Variants in KAT2B observed in about 807,000 individuals in gnomAD.
KAT2B encodes the protein histone acetyltransferase KAT2B.
KAT2B carries 36 observed loss-of-function variants against 105.9 expected under a neutral mutation model. That is an observed-to-expected ratio of 0.34 (90% CI 0.26 to 0.45). The LOEUF (loss-of-function observed/expected upper bound fraction) is 0.45. Among genes scored for constraint, KAT2B ranks in the 20% least tolerant of loss-of-function variants. KAT2B has a pLI of 1.00. For synonymous variants in KAT2B, 397 were observed against 377.9 expected, an observed-to-expected ratio of 1.05 and a Z score of -0.59; for missense variants, 820 against 1,021.6, an observed-to-expected ratio of 0.80 and a Z score of 2.69.
At chr3:20,107,996 G>A (rs1227055769) in intron 5 of KAT2B, among the ~76,000 whole-genome samples, 1 of 151,708 alleles carries the variant, frequency 6.6e-6, no homozygotes, top group African/African-American at 2.4e-5. Context: ...TTTTAGTAGA[G>A]ATGGGGTTTC....
At chr3:20,084,190 A>T (rs1698573433) in intron 2 of KAT2B, among the ~76,000 whole-genome samples, 1 of 152,112 alleles carries the variant, frequency 6.6e-6, no homozygotes, top group Non-Finnish European at 1.5e-5. Flanking sequence ...TGGCTTTCTT[A>T]TTACAGGGAA....
At chr3:20,114,753 G>A (rs1024892276) in intron 6 of KAT2B, 129 bp from the exon 7 acceptor site, 3 of 596,348 alleles carry the variant, frequency 5.0e-6, no homozygotes, top group East Asian at 5.5e-5. Flanking sequence ...AATTTGAGTT[G>A]TAATTCTCCA....
chr3:20,091,743 C>G (rs1447230955), intron 2 of KAT2B, among the ~76,000 whole-genome samples: 1 of 152,126 alleles, frequency 6.6e-6, no homozygotes, highest in Non-Finnish European at 1.5e-5. Context: ...AAGTTCTTCT[C>G]TGACCCATTG....
rs9851303 is a variant in KAT2B, at chr3:20,132,863, A to T, written c.1750-4079A>T. Among the ~76,000 whole-genome samples the T allele has an allele frequency of 1.2e-3, 182 of 152,352 alleles. 1 individual carries two copies. Among genetic ancestry groups the T allele is most frequent in the African/African-American group, 3.6e-3 (148 of 41,592 alleles). ...TGAAGGGTACAAATTTATAGTTTCT[A>T]TTAACTCCTTACAAGATGGTGCATA... is the stretch of plus-strand genomic sequence containing the variant. On this transcript the variant is annotated intron_variant, in intron 11 of 17. Transcript: ENST00000263754.
intron 12 of KAT2B, among the ~76,000 whole-genome samples, chr3:20,138,214 A>G (rs754552709): frequency 2.0e-5 from 3 of 151,932 alleles, no homozygotes; most frequent in Non-Finnish European, 2.9e-5. Flanking sequence ...TTATTTTAAA[A>G]TTTTTTCTGT....
At chr3:20,079,445 C>T (rs2125186146) in intron 2 of KAT2B, among the ~76,000 whole-genome samples, 1 of 152,202 alleles carries the variant, frequency 6.6e-6, no homozygotes, top group Admixed American at 6.5e-5. Flanking sequence ...CTCAGGTAAT[C>T]TGCCCGCTTC....
At chr3:20,075,722 C>G (rs1331188485) in intron 2 of KAT2B, among the ~76,000 whole-genome samples, 1 of 152,032 alleles carries the variant, frequency 6.6e-6, no homozygotes, top group Non-Finnish European at 1.5e-5. Flanking sequence ...GTGAAGCTTC[C>G]TTGCCCTCTC....
intron 2 of KAT2B, among the ~76,000 whole-genome samples, chr3:20,087,398 ATG>A (rs1213190646): frequency 1.3e-5 from 2 of 151,942 alleles, no homozygotes; most frequent in Non-Finnish European, 2.9e-5. Context: ...ACAAATAAAA[ATG>A]TATATATTTA....
At chr3:20,083,676 T>C (rs1174891041) in intron 2 of KAT2B, among the ~76,000 whole-genome samples, 1 of 152,148 alleles carries the variant, frequency 6.6e-6, no homozygotes, top group Admixed American at 6.5e-5. Flanking sequence ...TATTTTATTA[T>C]AGTAGGTTTG....
rs1169495822 is a variant in KAT2B at position 20,152,509 on chromosome 3, G to A, written c.2483G>A (p.Gly828Glu). The A allele has an allele frequency of 6.2e-7, 1 of 1,612,410 alleles. No homozygotes were observed. The highest frequency in any genetic ancestry group is 1.1e-5 in the South Asian group (1 of 90,986). Residue 828 changes from glycine (G) to glutamate (E), a missense_variant, in exon 18 of 18, where the codon GGA becomes GAA. Transcript: ENST00000263754. ...TTCTTCAGTAAAATTAAGGAAGCTG[G>A]ATTAATTGACAAGTGATTTTTTTTC... ...KFFFSKIKEAGLIDK is the reference protein window; with the variant it reads ...KFFFSKIKEAELIDK
Position 20,119,663 on chromosome 3 carries a change from C to A in KAT2B, c.1216C>A (p.Pro406Thr), listed in dbSNP as rs902386467. The change falls in exon 8 of 18, where the codon CCA (proline) becomes ACA (threonine). Residue 406 changes from proline (P) to threonine (T), a missense_variant. Physicochemically the swap from Pro to Thr is conservative, Grantham distance 38. Transcript: ENST00000263754. ...YNSTSSSLEQ[P>T]NAGSSSPACK... ...TTCAACCTCATCTTCCCTTGAGCAG[C>A]CAAACGCAGGGAGCAGCAGTCCTGC... 6.2e-7 allele frequency: 1 copy of A among 1,614,082 alleles called. No individual in the cohort carries two copies. Among genetic ancestry groups the A allele is most frequent in the East Asian group, 2.2e-5 (1 of 44,874 alleles).
At position 20,146,367 on chromosome 3, in the gene KAT2B, C is replaced by G; in HGVS notation, c.2056C>G (p.Pro686Ala). 6.2e-7 allele frequency: 1 copy of G among 1,613,356 alleles called. No homozygotes were observed. The highest frequency in any genetic ancestry group is 8.5e-7 in the Non-Finnish European group (1 of 1,179,536). ...ACAGGCACAAATTCGAAAAGTTTAC[C>G]CTGGACTTTCATGTTTTAAAGATGG... is the stretch of plus-strand genomic sequence containing the variant. ...RKQAQIRKVY[P>A]GLSCFKDGVR... Residue 686 changes from proline (P) to alanine (A), a missense_variant, in exon 14 of 18, where the codon CCT (proline) becomes GCT (alanine). By Grantham distance (27) the Pro-to-Ala change is conservative (BLOSUM62 -1). Around this residue, in one of 6 missense-constraint regions of KAT2B, gnomAD observed 227 missense variants for 292.9 expected, o/e 0.77. Transcript: ENST00000263754.
intron 5 of KAT2B, among the ~76,000 whole-genome samples, chr3:20,107,632 G>A (rs1349733900): frequency 2.0e-5 from 3 of 146,456 alleles, no homozygotes; most frequent in Non-Finnish European, 4.5e-5. Context: ...CCTCCAGCCT[G>A]GGGCACAGAG....
At chr3:20,100,023 T>C (rs1258859242) in intron 4 of KAT2B, 69 bp downstream of exon 4, 1 of 818,910 alleles carries the variant, frequency 1.2e-6, no homozygotes, top group Non-Finnish European at 2.1e-6. Context: ...CCTCCTTTTA[T>C]ATCTCTATCT....
Position 20,104,892 on chromosome 3 carries a change from T to TGG in KAT2B, c.851+3424_851+3425insGG, listed in dbSNP as rs1196168684. Reference sequence around the variant, plus strand: ...TATTCTTTTTTTGTTGTTTTTTTGTTTTTTTTTTTTTTGAGATGGAGTCTC... The same window carrying TGG: ...TATTCTTTTTTTGTTGTTTTTTTGTTGGTTTTTTTTTTTTGAGATGGAGTCTC... On this transcript the variant is annotated intron_variant, in intron 5 of 17. Coordinates refer to ENST00000263754, the MANE Select transcript of KAT2B (RefSeq NM_003884.5). 3.0e-4 allele frequency among the ~76,000 whole-genome samples: 7 copies of TGG among 23,528 alleles called. No homozygotes were observed. In the East Asian group the frequency reaches 9.0e-3, roughly 30 times the overall value. 15.4% of individuals were successfully genotyped at this position (23,528 alleles called of 152,430 possible).
At chr3:20,106,365 C>T (rs188290708) in intron 5 of KAT2B, among the ~76,000 whole-genome samples, 33 of 152,302 alleles carry the variant, frequency 2.2e-4, no homozygotes, top group Non-Finnish European at 3.2e-4. Context: ...TGCTCATGCA[C>T]GTCCGTTTCC....
In KAT2B at chr3:20,136,899, TC is replaced by T; in HGVS notation, c.1750-39del. On this transcript the variant is annotated intron_variant, in intron 11 of 17. Transcript: ENST00000263754. ...CCTGATGGATTTGTAAAAATTTTTC[TC>T]CCCAGTCTAATGTATTTGTTTGTAT... 3 of 1,013,812 alleles carry T rather than the reference TC, an allele frequency of 3.0e-6. No individual in the cohort carries two copies. The South Asian group carries it at 4.4e-5, about 15-fold the overall frequency. 62.8% of individuals were successfully genotyped at this position (1,013,812 alleles called of 1,614,324 possible).
chr3:20,045,876 A>C (rs1697800618), intron 1 of KAT2B, among the ~76,000 whole-genome samples: 1 of 152,236 alleles, frequency 6.6e-6, no homozygotes, highest in Admixed American at 6.5e-5. Flanking sequence ...TGTATTAGAC[A>C]TCCAGCATGG....
intron 7 of KAT2B, among the ~76,000 whole-genome samples, chr3:20,117,423 G>C (rs1420219308): frequency 6.6e-6 from 1 of 152,122 alleles, no homozygotes; most frequent in African/African-American, 2.4e-5. Context: ...ACATTCATAA[G>C]GATGAACCTG....
Sources: gnomAD v4.1 joint callset for allele counts (sites outside exome capture counted in the v4.1 genomes callset) on GRCh38, gnomAD v4.1.1 for gene constraint, gnomAD v4.1.1 regional missense constraint, MANE v1.5 for transcripts, NCBI Gene and HGNC (gene_info 2026-07-23, HGNC 2026-07-21) for gene names.